The following TEX15 variants were observed in gnomAD, a reference collection of about 807,000 sequenced individuals.
TEX15 encodes the protein testis expressed 15, meiosis and synapsis associated.
TEX15 carries 171 observed loss-of-function variants against 237.3 expected under a neutral mutation model. That is an observed-to-expected ratio of 0.72 (90% CI 0.64 to 0.82). TEX15 has a LOEUF of 0.82. Ranked by LOEUF, TEX15 falls within the 40% of genes least tolerant of loss-of-function variation. TEX15 has a pLI of 0.00. For missense variants in TEX15, 3,750 were observed against 3,646.5 expected (o/e 1.03, Z -0.73); for synonymous variants, 1,338 against 1,269.8 (o/e 1.05, Z -1.14).
In TEX15 at chr8:30,887,166, C is replaced by A; in HGVS notation, c.136+1G>T. 1 of 1,526,034 alleles carries A rather than the reference C, an allele frequency of 6.6e-7. No homozygotes were observed. The highest frequency in any genetic ancestry group is 1.2e-5 in the South Asian group (1 of 81,336). 94.5% of individuals were successfully genotyped at this position (1,526,034 alleles called of 1,614,324 possible). On this transcript the variant is annotated splice_donor_variant, in intron 3 of 10. Transcript: ENST00000643185. LOFTEE classifies it high-confidence loss of function. ...AAAATTCCCAACCACAGAAATATTA[C>A]CTTTCTCAGCTGTCCTCCTGATCTT...
Position 30,846,090 on chromosome 8 carries a change from A to T in TEX15, c.4077T>A (p.Ser1359Arg). 1 of 1,613,302 alleles carries T rather than the reference A, an allele frequency of 6.2e-7. No homozygotes were observed. The highest frequency in any genetic ancestry group is 8.5e-7 in the Non-Finnish European group (1 of 1,179,564). Residue 1359 changes from serine to arginine, a missense_variant, in exon 8 of 11, where the codon AGT (serine) becomes AGA (arginine). Coordinates refer to ENST00000643185, the MANE Select transcript of TEX15 (RefSeq NM_001350162.2). ...CTTCATCACTTAGGATATTTAGGACACTCTTAATGTGCTTTTCTGACTGTG... is the reference window on the plus strand; with the variant it reads ...CTTCATCACTTAGGATATTTAGGACTCTCTTAATGTGCTTTTCTGACTGTG... ...TFSQSEKHIK[S>R]VLNILSDEAS...
chr8:30,895,868 A>T (rs889311037), intron 2 of TEX15, among the ~76,000 whole-genome samples: 50 of 151,742 alleles, frequency 3.3e-4, no homozygotes, highest in Admixed American at 3.2e-3. Flanking sequence ...TTTAGTAGAG[A>T]CGGGGTTTCA....
In TEX15 at chr8:30,845,571, AACTG is replaced by A. The variant is rs1807582961; in HGVS notation, c.4592_4595del (p.Ser1531PhefsTer7). 3.1e-6 allele frequency: 5 copies of A among 1,613,542 alleles called. No homozygotes were observed. Among genetic ancestry groups the A allele is most frequent in the Non-Finnish European group, 4.2e-6 (5 of 1,179,640 alleles). On this transcript the variant is annotated frameshift_variant, in exon 8 of 11. Coordinates refer to ENST00000643185, the MANE Select transcript of TEX15 (RefSeq NM_001350162.2). LOFTEE classifies it high-confidence loss of function. ...GATTGCTTACACTGCTATTATAATA[AACTG>A]ACTGACTTGTACTTTGGGATGTGGA...
intron 3 of TEX15, among the ~76,000 whole-genome samples, chr8:30,878,096 C>CTTTTTT (rs36096573): frequency 5.1e-5 from 6 of 118,214 alleles, no homozygotes; most frequent in African/African-American, 9.9e-5. Flanking sequence ...GTAAAGATTG[C>CTTTTTT]TTTTTTTTTT....
chr8:30,911,372 G>A (rs1387099426), intron 1 of TEX15, among the ~76,000 whole-genome samples: 2 of 151,964 alleles, frequency 1.3e-5, no homozygotes, highest in African/African-American at 4.8e-5. Flanking sequence ...GGCTGGTTTC[G>A]AACTCCTGGG....
chr8:30,875,661 A>G (rs1465397397), intron 3 of TEX15, among the ~76,000 whole-genome samples: 1 of 152,230 alleles, frequency 6.6e-6, no homozygotes, highest in Non-Finnish European at 1.5e-5. Context: ...AACTCAGAGG[A>G]AAGCAAGGAG....
rs188177993 is a variant in TEX15, at chr8:30,858,862, A to T, written c.688-32T>A. The T allele has an allele frequency of 8.2e-6, 12 of 1,458,276 alleles. No individual in the cohort carries two copies. In the African/African-American group the frequency reaches 1.6e-4, roughly 19 times the overall value. 90.3% of individuals were successfully genotyped at this position (1,458,276 alleles called of 1,614,324 possible). ...GATGAAAACAGGTTCATGCTGATTA[A>T]TTTTGGCAATCAGAGTTGAATAAGC... On this transcript the variant is annotated intron_variant, in intron 6 of 10. Coordinates refer to ENST00000643185, the MANE Select transcript of TEX15 (RefSeq NM_001350162.2).
intron 7 of TEX15, among the ~76,000 whole-genome samples, chr8:30,852,100 CTTTTTT>C (rs910989172): frequency 1.0e-4 from 9 of 90,408 alleles, no homozygotes; most frequent in South Asian, 4.0e-4. Flanking sequence ...TTAATTTAAT[CTTTTTT>C]TTTTTTTTTT....
intron 3 of TEX15, among the ~76,000 whole-genome samples, chr8:30,886,667 C>G (rs1808652504): frequency 6.6e-6 from 1 of 152,136 alleles, no homozygotes; most frequent in Non-Finnish European, 1.5e-5. Context: ...TGCCATCACC[C>G]CAGTGGGAAA....
At chr8:30,883,551 C>A (rs4546616) in intron 3 of TEX15, among the ~76,000 whole-genome samples, 1 of 151,838 alleles carries the variant, frequency 6.6e-6, no homozygotes, top group Non-Finnish European at 1.5e-5. Context: ...TTTCCCTCCC[C>A]GTGTCCATGT....
intron 5 of TEX15, among the ~76,000 whole-genome samples, chr8:30,860,677 C>T (rs1563253619): frequency 6.6e-6 from 1 of 150,894 alleles, no homozygotes; most frequent in Non-Finnish European, 1.5e-5. Flanking sequence ...GATTCTCCTG[C>T]CTCAGTCTCC....
rs1807572185 is a variant in TEX15 at position 30,845,255 on chromosome 8, T to C, written c.4912A>G (p.Thr1638Ala). 3 of 1,613,522 alleles carry C rather than the reference T, an allele frequency of 1.9e-6. No homozygotes were observed. The highest frequency in any genetic ancestry group is 2.5e-6 in the Non-Finnish European group (3 of 1,179,522). ...NSSTGNDCDATCIGHTKAKTD... is the reference protein window; with the variant it reads ...NSSTGNDCDAACIGHTKAKTD... ...TTCGCCTTTGTGTGACCTATGCAAG[T>C]TGCATCACAATCGTTGCCTGTACTA... Residue 1638 changes from threonine (T) to alanine (A), a missense_variant, in exon 8 of 11, where the codon ACT becomes GCT. By Grantham distance (58) the Thr-to-Ala change is moderately conservative. Coordinates refer to ENST00000643185, the MANE Select transcript of TEX15 (RefSeq NM_001350162.2).
At chr8:30,902,662 G>T (rs1263199120) in intron 1 of TEX15, among the ~76,000 whole-genome samples, 2 of 152,124 alleles carry the variant, frequency 1.3e-5, no homozygotes, top group Non-Finnish European at 2.9e-5. Flanking sequence ...ATGATCAAAG[G>T]GATTGGTGAT....
At chr8:30,892,512 G>C (rs1808814993) in intron 2 of TEX15, among the ~76,000 whole-genome samples, 1 of 152,092 alleles carries the variant, frequency 6.6e-6, no homozygotes, top group Admixed American at 6.6e-5. Context: ...GTTTTAACTG[G>C]AACTTCACTG....
chr8:30,883,310 G>C (rs17560585), intron 3 of TEX15, among the ~76,000 whole-genome samples: 7,035 of 152,098 alleles, frequency 0.046, 253 homozygotes, highest in Non-Finnish European at 0.065. Flanking sequence ...TATGGATTCA[G>C]AGACCACAGC....
intron 1 of TEX15, among the ~76,000 whole-genome samples, chr8:30,899,611 C>T (rs1350066394): frequency 2.0e-5 from 3 of 152,066 alleles, no homozygotes; most frequent in African/African-American, 7.2e-5. Flanking sequence ...CCACCGTGCC[C>T]GGCTAATTTT....
Position 30,846,763 on chromosome 8 carries a change from T to G in TEX15, c.3404A>C (p.Tyr1135Ser), listed in dbSNP as rs781581829. 1.9e-6 allele frequency: 3 copies of G among 1,613,806 alleles called. No individual in the cohort carries two copies. Among genetic ancestry groups the G allele is most frequent in the Non-Finnish European group, 2.5e-6 (3 of 1,179,736 alleles). ...SDQHYSKESNYFYSSTQNNET... is the reference protein window; with the variant it reads ...SDQHYSKESNSFYSSTQNNET... ...ATTGTTTTGTGTAGAGGAATAAAAATAGTTACTTTCCTTAGAATAATGCTG... is the reference window on the plus strand; with the variant it reads ...ATTGTTTTGTGTAGAGGAATAAAAAGAGTTACTTTCCTTAGAATAATGCTG... The change falls in exon 8 of 11, where the codon TAT (tyrosine) becomes TCT (serine). Residue 1135 changes from tyrosine (Y) to serine (S), a missense_variant. Tyr to Ser is a moderately radical substitution (Grantham distance 144). Transcript: ENST00000643185.
chr8:30,902,076 TGAATCTA>T (rs1182924155), intron 1 of TEX15, among the ~76,000 whole-genome samples: 2 of 152,186 alleles, frequency 1.3e-5, no homozygotes, highest in Non-Finnish European at 2.9e-5. Flanking sequence ...CCAGACCTAC[TGAATCTA>T]GAGGCTGGGC....
Position 30,849,266 on chromosome 8 carries a change from C to G in TEX15, c.901G>C (p.Gly301Arg), listed in dbSNP as rs777981998. 6.5e-7 allele frequency: 1 copy of G among 1,535,126 alleles called. No individual in the cohort carries two copies. Among genetic ancestry groups the G allele is most frequent in the East Asian group, 2.4e-5 (1 of 40,856 alleles). ...NCTVAKRFGK[G>R]KDATVTFVHF... ...ACAAAGGTGACAGTAGCATCTTTTC[C>G]TTTTCCAAATCTTTTGGCCACTGTA... Residue 301 changes from glycine to arginine, a missense_variant, in exon 8 of 11, where the codon GGA (glycine) becomes CGA (arginine). Transcript: ENST00000643185.
Sources: allele counts gnomAD v4.1 joint callset (sites outside exome capture counted in the v4.1 genomes callset), GRCh38; gene constraint gnomAD v4.1.1; transcripts MANE v1.5; gene names NCBI Gene and HGNC (gene_info 2026-07-23, HGNC 2026-07-21).